The following WDFY4 variants were observed in gnomAD, a reference collection of about 807,000 sequenced individuals.
WDFY4 encodes WDFY family member 4, also known as WD repeat- and FYVE domain-containing protein 4.
A neutral mutation model predicts 351.9 loss-of-function variants in WDFY4; 169 were observed. The observed-to-expected ratio is 0.48, with a 90% CI of 0.42 to 0.55. The LOEUF is 0.55. Ranked by LOEUF, WDFY4 falls within the 20% of genes least tolerant of loss-of-function variation. The pLI, the probability that WDFY4 is intolerant of heterozygous loss-of-function variation, is 0.00. For missense variants in WDFY4, 3,803 were observed against 3,935.6 expected (o/e 0.97, Z 0.90); for synonymous variants, 1,622 against 1,574.6 (o/e 1.03, Z -0.71).
chr10:48,793,612 G>A (rs2066753992), intron 23 of WDFY4, among the ~76,000 whole-genome samples: 1 of 152,142 alleles, frequency 6.6e-6, no homozygotes, highest in Non-Finnish European at 1.5e-5. Context: ...TTTGCGTGAT[G>A]TCTGCTTCCG....
At chr10:48,958,803 C>T (rs1200799079) in intron 52 of WDFY4, among the ~76,000 whole-genome samples, 1 of 152,110 alleles carries the variant, frequency 6.6e-6, no homozygotes, top group Non-Finnish European at 1.5e-5. Flanking sequence ...CTCAGCAAGA[C>T]CTGAGTTTCT....
intron 11 of WDFY4, among the ~76,000 whole-genome samples, chr10:48,742,573 C>A (rs2064886104): frequency 6.6e-6 from 1 of 152,162 alleles, no homozygotes; most frequent in Admixed American, 6.5e-5. Context: ...TCTCGTGGAG[C>A]TTCAGTCTGG....
intron 37 of WDFY4, among the ~76,000 whole-genome samples, chr10:48,830,015 TC>T (rs2068134762): frequency 6.6e-6 from 1 of 152,206 alleles, no homozygotes; most frequent in African/African-American, 2.4e-5. Context: ...CACTGTCCAT[TC>T]CCTTAGGGTG....
intron 24 of WDFY4, among the ~76,000 whole-genome samples, chr10:48,799,068 G>A (rs1432447596): frequency 1.3e-5 from 2 of 152,128 alleles, no homozygotes; most frequent in African/African-American, 4.8e-5. Flanking sequence ...AGCCAGTCTG[G>A]CTCCAAGGTG....
intron 7 of WDFY4, 108 bp downstream of exon 7, chr10:48,727,767 G>T: frequency 1.5e-6 from 2 of 1,354,536 alleles, no homozygotes; most frequent in Non-Finnish European, 2.0e-6. Flanking sequence ...ATAGAACATG[G>T]CCAGAGAGAC....
intron 30 of WDFY4, among the ~76,000 whole-genome samples, chr10:48,811,992 G>A (rs998837114): frequency 6.6e-6 from 1 of 152,018 alleles, no homozygotes; most frequent in Non-Finnish European, 1.5e-5. Flanking sequence ...CACAGCTAGG[G>A]GAATGACATG....
chr10:48,709,413 C>CAA (rs1182833509), intron 1 of WDFY4, among the ~76,000 whole-genome samples: 1 of 402 alleles, frequency 2.5e-3, no homozygotes, highest in African/African-American at 2.6e-3. Flanking sequence ...GACTCCGTCT[C>CAA]AAAAAAAAAA....
At chr10:48,851,762 G>GC (rs1478017103) in intron 39 of WDFY4, among the ~76,000 whole-genome samples, 1 of 152,252 alleles carries the variant, frequency 6.6e-6, no homozygotes, top group Non-Finnish European at 1.5e-5. Flanking sequence ...CAGCTGGCCA[G>GC]CCCTAGGGTG....
At chr10:48,862,714 G>A (rs1199655997) in intron 39 of WDFY4, among the ~76,000 whole-genome samples, 1 of 152,182 alleles carries the variant, frequency 6.6e-6, no homozygotes, top group Non-Finnish European at 1.5e-5. Context: ...TCTGGTTCAT[G>A]GAAAAATTGT....
intron 3 of WDFY4, among the ~76,000 whole-genome samples, chr10:48,720,466 CA>C (rs902064607): frequency 1.3e-4 from 20 of 151,940 alleles, no homozygotes; most frequent in African/African-American, 4.6e-4. Context: ...TACACATAGA[CA>C]CACAGAGATA....
At position 48,735,992 on chromosome 10, in the gene WDFY4, G is replaced by C. The variant is rs556453663; in HGVS notation, c.1800G>C (p.Glu600Asp). Reference sequence around the variant, plus strand: ...AGCAGCTCTCAGCCATCAACGCCGAGGAGTACATGAGCATCATTGTGGGTG... The same window carrying C: ...AGCAGCTCTCAGCCATCAACGCCGACGAGTACATGAGCATCATTGTGGGTG... Reference protein sequence around the residue: ...ILEQLSAINAEEYMSIIVGAL... With the variant: ...ILEQLSAINADEYMSIIVGAL... Residue 600 changes from glutamate to aspartate, a missense_variant, in exon 11 of 62, where the codon GAG (glutamate) becomes GAC (aspartate). Glu to Asp is a conservative substitution (Grantham distance 45). Coordinates refer to ENST00000325239, the MANE Select transcript of WDFY4 (RefSeq NM_001394531.1). 1.3e-6 allele frequency: 2 copies of C among 1,551,888 alleles called. No homozygotes were observed. Among genetic ancestry groups the C allele is most frequent in the Admixed American group, 2.0e-5 (1 of 51,016 alleles).
rs537210475 is a variant in WDFY4 at position 48,918,361 on chromosome 10, G to A, written c.7586+16498G>A. 2.0e-5 allele frequency among the ~76,000 whole-genome samples: 3 copies of A among 152,176 alleles called. No individual in the cohort carries two copies. In the South Asian group the frequency reaches 6.2e-4, roughly 32 times the overall value. Reference sequence around the variant, plus strand: ...GAAAGTATACTTTAAATAAGCAACAGTGAGTTGAACTAAAAGAATGTAAAA... The same window carrying A: ...GAAAGTATACTTTAAATAAGCAACAATGAGTTGAACTAAAAGAATGTAAAA... On this transcript the variant is annotated intron_variant, in intron 47 of 61. Coordinates refer to ENST00000325239, the MANE Select transcript of WDFY4 (RefSeq NM_001394531.1).
intron 48 of WDFY4, among the ~76,000 whole-genome samples, chr10:48,942,403 C>T (rs758355718): frequency 5.9e-5 from 9 of 151,792 alleles, no homozygotes; most frequent in Middle Eastern, 3.2e-3. Context: ...TGCGCGCACG[C>T]GCATGTGCAT....
intron 12 of WDFY4, among the ~76,000 whole-genome samples, chr10:48,749,571 T>C (rs2065118091): frequency 6.6e-6 from 1 of 152,056 alleles, no homozygotes; most frequent in Non-Finnish European, 1.5e-5. Flanking sequence ...CACCATAGAA[T>C]GGAGTGCTTA....
At chr10:48,727,239 G>A (rs2064299983) in intron 6 of WDFY4, among the ~76,000 whole-genome samples, 1 of 152,220 alleles carries the variant, frequency 6.6e-6, no homozygotes, top group Admixed American at 6.5e-5. Flanking sequence ...ACAGAGGGCT[G>A]AGGGGCTGCC....
chr10:48,890,448 G>C, intron 43 of WDFY4, 131 bp from the exon 44 acceptor site: 1 of 1,103,166 alleles, frequency 9.1e-7, no homozygotes, highest in South Asian at 1.5e-5. Context: ...CAGCGGGACT[G>C]CCATTCATAC....
At chr10:48,827,189 G>T (rs1244282129) in intron 36 of WDFY4, among the ~76,000 whole-genome samples, 1 of 152,022 alleles carries the variant, frequency 6.6e-6, no homozygotes, top group Non-Finnish European at 1.5e-5. Flanking sequence ...GGCAGAAAAT[G>T]CCAACATTAG....
chr10:48,798,078 A>C (rs995915416), intron 24 of WDFY4, among the ~76,000 whole-genome samples: 1 of 152,210 alleles, frequency 6.6e-6, no homozygotes, highest in Admixed American at 6.5e-5. Flanking sequence ...GACACATGAC[A>C]AGGGAAATAC....
intron 58 of WDFY4, 69 bp from the exon 59 acceptor site, chr10:48,976,728 T>C (rs1842585302): frequency 7.8e-7 from 1 of 1,282,862 alleles, no homozygotes; most frequent in Admixed American, 3.9e-5. Flanking sequence ...ACCAACTGGG[T>C]AGCTGAGCAA....
Sources: gnomAD v4.1 joint callset for allele counts (sites outside exome capture counted in the v4.1 genomes callset) on GRCh38, gnomAD v4.1.1 for gene constraint, MANE v1.5 for transcripts, NCBI Gene and HGNC (gene_info 2026-07-23, HGNC 2026-07-21) for gene names.